The following OSBPL1A variants were observed in gnomAD, a reference collection of about 807,000 sequenced individuals.
OSBPL1A encodes oxysterol-binding protein-related protein 1.
OSBPL1A carries 80 observed loss-of-function variants against 137.1 expected under a neutral mutation model. The ratio of observed to expected loss-of-function variants is 0.58; its 90% confidence interval spans 0.49 to 0.70. The LOEUF is 0.70. Among genes scored for constraint, OSBPL1A ranks in the 30% least tolerant of loss-of-function variants. The pLI, the probability that OSBPL1A is intolerant of heterozygous loss-of-function variation, is 0.00. For missense variants in OSBPL1A, 970 were observed against 1,129.4 expected (o/e 0.86, Z 2.02); for synonymous variants, 365 against 389.7 (o/e 0.94, Z 0.75).
chr18:24,224,943 A>G, intron 17 of OSBPL1A, 99 bp downstream of exon 17: 1 of 1,468,388 alleles, frequency 6.8e-7, no homozygotes, highest in Non-Finnish European at 9.3e-7. Context: ...TAAATCCCCT[A>G]CACGGGGAAA....
At chr18:24,275,246 T>C (rs190407573) in intron 15 of OSBPL1A, among the ~76,000 whole-genome samples, 19 of 152,252 alleles carry the variant, frequency 1.2e-4, no homozygotes, top group Admixed American at 5.9e-4. Flanking sequence ...GAGCTATTTT[T>C]TGAAGCAAGG....
At chr18:24,315,343 T>G (rs185208684) in intron 11 of OSBPL1A, among the ~76,000 whole-genome samples, 2 of 152,122 alleles carry the variant, frequency 1.3e-5, no homozygotes, top group African/African-American at 4.8e-5. Flanking sequence ...CCCCAGATTC[T>G]GTCTGCTACT....
chr18:24,295,549 TAA>T (rs2090273668), intron 14 of OSBPL1A, among the ~76,000 whole-genome samples: 1 of 152,240 alleles, frequency 6.6e-6, no homozygotes, highest in Non-Finnish European at 1.5e-5. Context: ...GTCTTAGAAT[TAA>T]GTCTTTGATC....
chr18:24,262,658 C>CG (rs2089468168), intron 15 of OSBPL1A, among the ~76,000 whole-genome samples: 1 of 151,984 alleles, frequency 6.6e-6, no homozygotes, highest in South Asian at 2.1e-4. Flanking sequence ...ATATATACGC[C>CG]GCCATGTAAC....
At chr18:24,305,329 A>G (rs758277880) in intron 13 of OSBPL1A, among the ~76,000 whole-genome samples, 4 of 152,194 alleles carry the variant, frequency 2.6e-5, no homozygotes, top group Non-Finnish European at 5.9e-5. Flanking sequence ...ACAGTTATTA[A>G]TAAGTTTCCT....
intron 15 of OSBPL1A, among the ~76,000 whole-genome samples, chr18:24,244,211 T>A (rs2088810674): frequency 6.6e-6 from 1 of 152,224 alleles, no homozygotes; most frequent in African/African-American, 2.4e-5. Flanking sequence ...GTCTTTGTAA[T>A]TCCAGGCACA....
At chr18:24,353,019 T>C (rs2091469670) in intron 4 of OSBPL1A, among the ~76,000 whole-genome samples, 1 of 152,170 alleles carries the variant, frequency 6.6e-6, no homozygotes, top group East Asian at 1.9e-4. Context: ...AAGGACTTCA[T>C]GTCTAAAACA....
chr18:24,240,043 C>A (rs1200395179), intron 15 of OSBPL1A, among the ~76,000 whole-genome samples: 2 of 149,210 alleles, frequency 1.3e-5, no homozygotes, highest in African/African-American at 4.9e-5. Context: ...CATGCCTCTG[C>A]CTCCTGAGTA....
At chr18:24,261,474 T>TA (rs922591446) in intron 15 of OSBPL1A, among the ~76,000 whole-genome samples, 8 of 152,032 alleles carry the variant, frequency 5.3e-5, no homozygotes, top group Admixed American at 1.3e-4. Context: ...AAGGGCATAG[T>TA]AAAAAAACCA....
At chr18:24,187,202 C>A (rs929385938) in intron 18 of OSBPL1A, among the ~76,000 whole-genome samples, 1 of 152,070 alleles carries the variant, frequency 6.6e-6, no homozygotes, top group Non-Finnish European at 1.5e-5. Context: ...GGGCTCTGAA[C>A]AGAGAGTAGA....
At chr18:24,167,499 C>T (rs1239399636) in intron 24 of OSBPL1A, 54 bp from the exon 25 acceptor site, 11 of 1,377,168 alleles carry the variant, frequency 8.0e-6, no homozygotes, top group Admixed American at 1.7e-5. Context: ...AAGATACAGT[C>T]AAGCACCACA....
chr18:24,372,596 A>G (rs1045601480), intron 2 of OSBPL1A, among the ~76,000 whole-genome samples: 2 of 152,088 alleles, frequency 1.3e-5, no homozygotes, highest in Non-Finnish European at 2.9e-5. Flanking sequence ...CCCACACTCA[A>G]TTAGCTCGAC....
Position 24,284,438 on chromosome 18 carries a change from G to A in OSBPL1A, c.1175-3490C>T, listed in dbSNP as rs73943419. 7.2e-3 allele frequency among the ~76,000 whole-genome samples: 1,091 copies of A among 152,280 alleles called. 14 individuals carry two copies. Among genetic ancestry groups the A allele is most frequent in the African/African-American group, 0.023 (961 of 41,558 alleles). On this transcript the variant is annotated intron_variant, in intron 14 of 27. Coordinates refer to ENST00000319481, the MANE Select transcript of OSBPL1A (RefSeq NM_080597.4). ...GTACTAAAAACGTTTTTAAAGTCAT[G>A]AAAGCTGTGAGAAGATCATATTGGA...
chr18:24,352,169 G>C (rs1392782154), intron 4 of OSBPL1A, among the ~76,000 whole-genome samples: 2 of 152,090 alleles, frequency 1.3e-5, no homozygotes, highest in African/African-American at 4.8e-5. Context: ...AGGTGGGCAT[G>C]GTGGCATGAG....
chr18:24,289,298 A>G (rs748973477), intron 14 of OSBPL1A, among the ~76,000 whole-genome samples: 1 of 152,050 alleles, frequency 6.6e-6, no homozygotes, highest in African/African-American at 2.4e-5. Flanking sequence ...TCTACCTTAC[A>G]TTGTAGATCT....
intron 14 of OSBPL1A, among the ~76,000 whole-genome samples, chr18:24,287,277 C>T (rs758553317): frequency 2.8e-4 from 42 of 152,278 alleles, no homozygotes; most frequent in Admixed American, 1.4e-3. Flanking sequence ...ATGAGAAAAA[C>T]GGAGTCAATG....
chr18:24,306,586 A>G (rs1318517138), intron 13 of OSBPL1A, among the ~76,000 whole-genome samples: 4 of 152,200 alleles, frequency 2.6e-5, no homozygotes, highest in Non-Finnish European at 5.9e-5. Context: ...AGGAAAACTG[A>G]TCATGCTTAT....
At chr18:24,286,822 AGTGGCAGCCAC>A (rs2090073189) in intron 14 of OSBPL1A, among the ~76,000 whole-genome samples, 1 of 152,210 alleles carries the variant, frequency 6.6e-6, no homozygotes, top group Non-Finnish European at 1.5e-5. Context: ...CCAGTTATGG[AGTGGCAGCCAC>A]GTGGCAGGCA....
At position 24,280,962 on chromosome 18, in the gene OSBPL1A, A is replaced by G; in HGVS notation, c.1175-14T>C. On this transcript the variant is annotated splice_polypyrimidine_tract_variant and intron_variant, in intron 14 of 27. Coordinates refer to ENST00000319481, the MANE Select transcript of OSBPL1A (RefSeq NM_080597.4). ...ATGGAAGCATTTCTATAAAGAAAAA[A>G]ATAAATACAGTGAGTCGGATTTTAA... The G allele has an allele frequency of 1.3e-6, 2 of 1,547,060 alleles. No individual in the cohort carries two copies. Among genetic ancestry groups the G allele is most frequent in the Non-Finnish European group, 1.8e-6 (2 of 1,137,618 alleles).
Sources: allele counts gnomAD v4.1 joint callset (sites outside exome capture counted in the v4.1 genomes callset), GRCh38; gene constraint gnomAD v4.1.1; transcripts MANE v1.5; gene names NCBI Gene and HGNC (gene_info 2026-07-23, HGNC 2026-07-21).